The following LSM1 variants were observed in gnomAD, a reference collection of about 807,000 sequenced individuals.
The protein encoded by LSM1 is LSM1 homolog, mRNA degradation associated.
Under a neutral mutation model 18.0 loss-of-function variants are expected in LSM1, and 13 were observed. That is an observed-to-expected ratio of 0.72 (90% confidence interval 0.47 to 1.15). The LOEUF is 1.15. Ranked by LOEUF, LSM1 falls within the 50% of genes most tolerant of loss-of-function variation. The pLI, the probability that LSM1 is intolerant of heterozygous loss-of-function variation, is 0.00. For missense variants in LSM1, 152 were observed against 157.7 expected (o/e 0.96, Z 0.19); for synonymous variants, 46 against 56.0 (o/e 0.82, Z 0.80).
chr8:38,171,828 T>G, intron 2 of LSM1, 137 bp downstream of exon 2: 1 of 669,510 alleles, frequency 1.5e-6, no homozygotes, highest in Admixed American at 2.9e-5. Flanking sequence ...AAAACAATGA[T>G]GTACTCACTA....
chr8:38,172,137 A>G, intron 1 of LSM1, 104 bp from the exon 2 acceptor site: 1 of 782,698 alleles, frequency 1.3e-6, no homozygotes, highest in Non-Finnish European at 2.2e-6. Flanking sequence ...CGGCCAATGC[A>G]TTTAATGTGA....
chr8:38,169,825 T>C lies in LSM1; in HGVS notation c.208A>G (p.Asn70Asp). 1 of 1,612,492 alleles carries C rather than the reference T, an allele frequency of 6.2e-7. No individual in the cohort carries two copies. Among genetic ancestry groups the C allele is most frequent in the Non-Finnish European group, 8.5e-7 (1 of 1,178,588 alleles). ...PRGIFVVRGE[N>D]VVLLGEIDLE... ...ACTATTTCTCCTAGTAGGACCACATTTTCTCCTCTGACCACAAAAATCCCT... is the reference window on the plus strand; with the variant it reads ...ACTATTTCTCCTAGTAGGACCACATCTTCTCCTCTGACCACAAAAATCCCT... Residue 70 changes from asparagine (N) to aspartate (D), a missense_variant, in exon 3 of 4, where the codon AAT becomes GAT. Transcript: ENST00000311351.
chr8:38,164,897 T>A (rs562380895), intron 3 of LSM1, among the ~76,000 whole-genome samples: 1 of 152,170 alleles, frequency 6.6e-6, no homozygotes. Context: ...TAGCTGGGGC[T>A]ACAGGTGTGC....
intron 2 of LSM1, among the ~76,000 whole-genome samples, chr8:38,171,666 A>C (rs1803032577): frequency 1.3e-5 from 2 of 152,274 alleles, no homozygotes; most frequent in South Asian, 4.1e-4. Context: ...GCGTCTAAAC[A>C]AAAAACAAAA....
chr8:38,173,030 G>A (rs1046523580), intron 1 of LSM1, among the ~76,000 whole-genome samples: 6 of 152,182 alleles, frequency 3.9e-5, no homozygotes, highest in African/African-American at 1.4e-4. Flanking sequence ...TATGATGAAG[G>A]GAGAGAAGTG....
chr8:38,172,436 A>C (rs990097924), intron 1 of LSM1, among the ~76,000 whole-genome samples: 10 of 150,034 alleles, frequency 6.7e-5, no homozygotes, highest in African/African-American at 2.5e-4. Flanking sequence ...ATCCTCCTGC[A>C]TCGGCCTCCT....
At position 38,176,417 on chromosome 8, in the gene LSM1, G is replaced by A. The variant is rs952303131; in HGVS notation, c.-97C>T. The A allele has an allele frequency of 1.0e-6, 1 of 981,674 alleles. No homozygotes were observed. The allele number at this position is 981,674 out of a possible 1,614,324, so 60.8% of individuals were successfully genotyped here. A position where few individuals can be genotyped will look rare whatever the true frequency, so the allele number is the denominator to read the frequency against. Reference sequence around the variant, plus strand: ...GCAGTCGCCGCCTCGGTGGGACCAAGCCCGGAATCCCGACCGAGACCAGCA... The same window carrying A: ...GCAGTCGCCGCCTCGGTGGGACCAAACCCGGAATCCCGACCGAGACCAGCA... On this transcript the variant is annotated 5_prime_UTR_variant, in exon 1 of 4. Transcript: ENST00000311351.
rs1803038782 is a variant in LSM1 at position 38,172,052 on chromosome 8, A to G, written c.47-19T>C. ...TGCTTTTCTGGGGAGAGAGGAAAAA[A>G]TCTTTTAAATGAAAACTGACAAGTT... On this transcript the variant is annotated intron_variant, in intron 1 of 3. Transcript: ENST00000311351. 1 of 1,574,824 alleles carries G rather than the reference A, an allele frequency of 6.3e-7. No individual in the cohort carries two copies. Among genetic ancestry groups the G allele is most frequent in the African/African-American group, 1.4e-5 (1 of 73,536 alleles).
chr8:38,174,530 A>G (rs2720051), intron 1 of LSM1, among the ~76,000 whole-genome samples: 145,826 of 152,132 alleles, frequency 0.96, 70,124 homozygotes, highest in East Asian at 1. Flanking sequence ...GGGTTAGAGG[A>G]CCAAAGAGCA....
At chr8:38,175,138 T>C (rs1402994678) in intron 1 of LSM1, among the ~76,000 whole-genome samples, 2 of 143,842 alleles carry the variant, frequency 1.4e-5, no homozygotes, top group Non-Finnish European at 3.0e-5. Context: ...TGGAGTGCAA[T>C]GGTGCGATCT....
intron 1 of LSM1, among the ~76,000 whole-genome samples, chr8:38,172,607 C>T (rs1420878015): frequency 6.6e-6 from 1 of 152,190 alleles, no homozygotes; most frequent in East Asian, 1.9e-4. Flanking sequence ...CAGGCGTGAA[C>T]CATGGCGCCT....
intron 1 of LSM1, among the ~76,000 whole-genome samples, chr8:38,174,659 G>A (rs1803087232): frequency 6.6e-6 from 1 of 152,092 alleles, no homozygotes; most frequent in African/African-American, 2.4e-5. Context: ...TCATATAGAT[G>A]TTAATATATA....
intron 1 of LSM1, among the ~76,000 whole-genome samples, chr8:38,174,583 A>G (rs184121280): frequency 1.1e-4 from 16 of 152,246 alleles, no homozygotes; most frequent in Admixed American, 5.2e-4. Context: ...TAGAGGATAT[A>G]TAAGGAGAGA....
chr8:38,170,300 G>A (rs959936203), intron 2 of LSM1, among the ~76,000 whole-genome samples: 2 of 152,174 alleles, frequency 1.3e-5, no homozygotes, highest in African/African-American at 4.8e-5. Context: ...GCCTTCCAAA[G>A]TGCTGGGATT....
intron 2 of LSM1, 101 bp downstream of exon 2, chr8:38,171,864 G>A (rs945869789): frequency 4.8e-6 from 4 of 837,416 alleles, no homozygotes; most frequent in South Asian, 1.5e-5. Flanking sequence ...GGTCACACAC[G>A]TGAAAAAGTT....
chr8:38,173,770 T>TCTGGAAAACCA, intron 1 of LSM1, among the ~76,000 whole-genome samples: 1 of 152,192 alleles, frequency 6.6e-6, no homozygotes, highest in Admixed American at 6.5e-5. Flanking sequence ...TTGGAAACAG[T>TCTGGAAAACCA]AAGACTGGAA....
chr8:38,174,776 A>C (rs948384672), intron 1 of LSM1, among the ~76,000 whole-genome samples: 1 of 151,872 alleles, frequency 6.6e-6, no homozygotes, highest in Non-Finnish European at 1.5e-5. Context: ...TAATCCCAGT[A>C]CTCTGGGAGG....
chr8:38,171,814 A>G, intron 2 of LSM1, 151 bp downstream of exon 2: 1 of 640,990 alleles, frequency 1.6e-6, no homozygotes, highest in East Asian at 2.8e-5. Flanking sequence ...ATCTGAATGT[A>G]TAGAAAACAA....
chr8:38,166,573 T>C (rs1802934860), intron 3 of LSM1, among the ~76,000 whole-genome samples: 1 of 152,248 alleles, frequency 6.6e-6, no homozygotes, highest in Middle Eastern at 3.2e-3. Flanking sequence ...TACCCTCCTC[T>C]ATGACTTTCA....
Sources: gnomAD v4.1 joint callset for allele counts (sites outside exome capture counted in the v4.1 genomes callset) on GRCh38, gnomAD v4.1.1 for gene constraint, MANE v1.5 for transcripts, NCBI Gene and HGNC (gene_info 2026-07-23, HGNC 2026-07-21) for gene names.